The following KLF5 variants were observed in gnomAD, a reference collection of about 807,000 sequenced individuals.
KLF5 encodes Krueppel-like factor 5.
KLF5 carries 9 observed loss-of-function variants against 36.9 expected under a neutral mutation model. The ratio of observed to expected loss-of-function variants is 0.24; its 90% confidence interval spans 0.15 to 0.43. The LOEUF is 0.43. Among genes scored for constraint, KLF5 ranks in the 20% least tolerant of loss-of-function variants. The probability of loss-of-function intolerance (pLI) is 1.00; values close to 1 mark genes in which losing one functional copy is unlikely to be tolerated. For missense variants in KLF5, 524 were observed against 599.5 expected (o/e 0.87, Z 1.31); for synonymous variants, 246 against 241.7 (o/e 1.02, Z -0.17).
At chr13:73,063,925 T>G in intron 3 of KLF5, 42 bp downstream of exon 3, 1 of 1,256,412 alleles carries the variant, frequency 8.0e-7, no homozygotes, top group Non-Finnish European at 1.2e-6. Flanking sequence ...GTGTAAATAG[T>G]GTAAGTGGTA....
chr13:73,059,729 C>T, intron 1 of KLF5, 141 bp downstream of exon 1: 2 of 884,968 alleles, frequency 2.3e-6, no homozygotes, highest in South Asian at 5.2e-5. Flanking sequence ...TGGGCAGCCC[C>T]GCCCTGCACG....
chr13:73,069,868 G>C (rs1166277258), intron 3 of KLF5, among the ~76,000 whole-genome samples: 2 of 152,150 alleles, frequency 1.3e-5, no homozygotes, highest in African/African-American at 2.4e-5. Flanking sequence ...AAATAGAATT[G>C]CTGGAGTGGA....
At chr13:73,061,130 A>G (rs201001128) in intron 1 of KLF5, among the ~76,000 whole-genome samples, 106 of 152,322 alleles carry the variant, frequency 7.0e-4, no homozygotes, top group African/African-American at 2.4e-3. Flanking sequence ...CTAGGTAATT[A>G]AAGATCTGTT....
chr13:73,073,224 TC>T (rs2044734761), intron 3 of KLF5, among the ~76,000 whole-genome samples: 1 of 152,204 alleles, frequency 6.6e-6, no homozygotes, highest in Non-Finnish European at 1.5e-5. Context: ...GGTACCAGTT[TC>T]CTCTACGATG....
chr13:73,075,895 C>T lies in KLF5; in HGVS notation c.*9C>T, dbSNP rs372072936. The T allele has an allele frequency of 2.0e-4, 314 of 1,543,668 alleles. 6 individuals are homozygous for T. The South Asian group carries it at 2.4e-3, about 12-fold the overall frequency. ...AGAGGCACCAGAACTGAGCACTGCCCGTGTGACCCGTTCCAGGTCCCCTGG... is the reference window on the plus strand; with the variant it reads ...AGAGGCACCAGAACTGAGCACTGCCTGTGTGACCCGTTCCAGGTCCCCTGG... On this transcript the variant is annotated 3_prime_UTR_variant, in exon 4 of 4. Coordinates refer to ENST00000377687, the MANE Select transcript of KLF5 (RefSeq NM_001730.5).
chr13:73,059,514 G>A lies in KLF5; in HGVS notation c.187G>A (p.Ala63Thr). The A allele has an allele frequency of 4.1e-6, 5 of 1,208,784 alleles. No homozygotes were observed. The highest frequency in any genetic ancestry group is 5.1e-6 in the Non-Finnish European group (5 of 976,850). The allele number at this position is 1,208,784 out of a possible 1,614,324, so 74.9% of individuals were successfully genotyped here. The change falls in exon 1 of 4, where the codon GCG (alanine) becomes ACG (threonine). Residue 63 changes from alanine to threonine, a missense_variant. By Grantham distance (58) the Ala-to-Thr change is moderately conservative. Around this residue, in one of 4 missense-constraint regions of KLF5, gnomAD observed 454 missense variants for 458.1 expected, o/e 0.99. Coordinates refer to ENST00000377687, the MANE Select transcript of KLF5 (RefSeq NM_001730.5). ...GCACCACCGCCCGCAGGCGCAGCCC[G>A]CGCCCGCGCAGGCCCCGCAGCCGGC... Reference protein sequence around the residue: ...HAHHRPQAQPAPAQAPQPAQP... With the variant: ...HAHHRPQAQPTPAQAPQPAQP...
chr13:73,069,515 T>C (rs1214748327), intron 3 of KLF5, among the ~76,000 whole-genome samples: 1 of 152,190 alleles, frequency 6.6e-6, no homozygotes. Flanking sequence ...TTTTTTTTCA[T>C]TTGCAGCTTT....
chr13:73,074,736 A>G (rs9543225), intron 3 of KLF5, among the ~76,000 whole-genome samples: 1 of 152,002 alleles, frequency 6.6e-6, no homozygotes, highest in South Asian at 2.1e-4. Context: ...TACCAACTCA[A>G]TACTCAAGGG....
Position 73,059,372 on chromosome 13 carries a change from G to A in KLF5, c.45G>A (p.Val15=), listed in dbSNP as rs956007115. 1.3e-5 allele frequency: 19 copies of A among 1,414,626 alleles called. No individual in the cohort carries two copies. The African/African-American group carries it at 2.5e-4, about 19-fold the overall frequency. 87.6% of individuals were successfully genotyped at this position (1,414,626 alleles called of 1,614,324 possible). A position where few individuals can be genotyped will look rare whatever the true frequency, so the allele number is the denominator to read the frequency against. Residue 15 remains valine, a synonymous_variant, in exon 1 of 4, where the codon GTG becomes GTA. Coordinates refer to ENST00000377687, the MANE Select transcript of KLF5 (RefSeq NM_001730.5). ...VLSMSARLGP[V]PQPPAPQDEP... is the part of the protein sequence containing the mutation. ...GCATGAGCGCCCGCCTGGGACCCGT[G>A]CCCCAGCCGCCGGCGCCGCAGGACG...
chr13:73,057,101 G>C (rs1383566701), upstream of KLF5, among the ~76,000 whole-genome samples: 2 of 152,282 alleles, frequency 1.3e-5, no homozygotes, highest in Non-Finnish European at 1.5e-5. Flanking sequence ...GAAAGGTCTA[G>C]ATAGGTTTAA....
At position 73,076,777 on chromosome 13, in the gene KLF5, G is replaced by A. The variant is rs1314101647; in HGVS notation, c.*891G>A. 6.6e-6 allele frequency: 1 copy of A among 152,178 alleles called. No homozygotes were observed. The highest frequency in any genetic ancestry group is 1.5e-5 in the Non-Finnish European group (1 of 68,026). 9.4% of individuals were successfully genotyped at this position (152,178 alleles called of 1,614,324 possible). Reference sequence around the variant, plus strand: ...ACGCAATGTCATTTTTAAAAAGAAGGACTTAGGGTGTCGTTTTCACATATG... The same window carrying A: ...ACGCAATGTCATTTTTAAAAAGAAGAACTTAGGGTGTCGTTTTCACATATG... On this transcript the variant is annotated 3_prime_UTR_variant, in exon 4 of 4. Transcript: ENST00000377687.
rs529527272 is a variant in KLF5 at position 73,061,151 on chromosome 13, A to G, written c.262-710A>G. On this transcript the variant is annotated intron_variant, in intron 1 of 3. Coordinates refer to ENST00000377687, the MANE Select transcript of KLF5 (RefSeq NM_001730.5). Reference sequence around the variant, plus strand: ...AATTAAAGATCTGTTTTAGATAGGGATATGAATAGGAACATTTCATTATCA... The same window carrying G: ...AATTAAAGATCTGTTTTAGATAGGGGTATGAATAGGAACATTTCATTATCA... 3.9e-5 allele frequency among the ~76,000 whole-genome samples: 6 copies of G among 152,348 alleles called. No individual in the cohort carries two copies. The South Asian group carries it at 1.2e-3, about 32-fold the overall frequency.
Position 73,061,621 on chromosome 13 carries a change from T to A in KLF5, c.262-240T>A, listed in dbSNP as rs139858800. On this transcript the variant is annotated intron_variant, in intron 1 of 3. Coordinates refer to ENST00000377687, the MANE Select transcript of KLF5 (RefSeq NM_001730.5). ...CTTTTTTATTCTTGATTTGCGTCTT[T>A]CACTTTTGGGGGTGATTGGGGGAGC... 3.5e-3 allele frequency among the ~76,000 whole-genome samples: 529 copies of A among 152,318 alleles called. 2 individuals carry two copies. Among genetic ancestry groups the A allele is most frequent in the African/African-American group, 0.012 (512 of 41,560 alleles).
Position 73,059,239 on chromosome 13 carries a change from G to A in KLF5, c.-89G>A. On this transcript the variant is annotated 5_prime_UTR_variant, in exon 1 of 4. Transcript: ENST00000377687. ...CGAAACCTCCCCTCCTCCGCCGGCA[G>A]CCCCGCGCTGAGCTCGCCGACCCAA... 1.6e-6 allele frequency: 2 copies of A among 1,212,902 alleles called. No individual in the cohort carries two copies. Among genetic ancestry groups the A allele is most frequent in the Non-Finnish European group, 2.1e-6 (2 of 960,900 alleles). 75.1% of individuals were successfully genotyped at this position (1,212,902 alleles called of 1,614,324 possible).
At chr13:73,061,771 T>G in intron 1 of KLF5, 90 bp from the exon 2 acceptor site, 3 of 1,204,742 alleles carry the variant, frequency 2.5e-6, no homozygotes, top group Non-Finnish European at 3.6e-6. Context: ...TACACAGGGA[T>G]TGGGGGAATT....
chr13:73,066,705 A>T (rs944076900), intron 3 of KLF5, among the ~76,000 whole-genome samples: 4 of 152,200 alleles, frequency 2.6e-5, no homozygotes, highest in African/African-American at 9.7e-5. Context: ...AACCTAAGCA[A>T]ATAATAGTCT....
At chr13:73,074,498 A>T (rs879613112) in intron 3 of KLF5, among the ~76,000 whole-genome samples, 30 of 152,230 alleles carry the variant, frequency 2.0e-4, no homozygotes, top group Admixed American at 1.0e-3. Context: ...CTTATAAAAA[A>T]TTCATAGAAA....
intron 3 of KLF5, 97 bp downstream of exon 3, chr13:73,063,980 C>T: frequency 4.8e-6 from 2 of 420,070 alleles, no homozygotes; most frequent in Non-Finnish European, 8.4e-6. Flanking sequence ...CTTCTCCTGT[C>T]AACTTTGTTT....
intron 3 of KLF5, among the ~76,000 whole-genome samples, chr13:73,064,775 A>G (rs948981353): frequency 6.6e-6 from 1 of 152,092 alleles, no homozygotes; most frequent in Non-Finnish European, 1.5e-5. Context: ...AACTCCTGAC[A>G]TCTTTATCCA....
Sources: gnomAD v4.1 joint callset for allele counts (sites outside exome capture counted in the v4.1 genomes callset) on GRCh38, gnomAD v4.1.1 for gene constraint, gnomAD v4.1.1 regional missense constraint, MANE v1.5 for transcripts, NCBI Gene and HGNC (gene_info 2026-07-23, HGNC 2026-07-21) for gene names.